MSRA: variants seen among roughly 807,000 people sequenced by gnomAD.
MSRA encodes the protein methionine sulfoxide reductase A.
MSRA carries 54 observed loss-of-function variants against 31.3 expected under a neutral mutation model. The observed-to-expected ratio is 1.73, with a 90% CI of 1.39 to 2.17. The LOEUF is 2.17. Among genes scored for constraint, MSRA ranks in the 30% most tolerant of loss-of-function variants. MSRA has a pLI of 0.00. For missense variants in MSRA, 507 were observed against 300.9 expected (o/e 1.69, Z -5.07); for synonymous variants, 169 against 116.5 (o/e 1.45, Z -2.90).
At chr8:10,063,682 G>A (rs539516834) in intron 1 of MSRA, among the ~76,000 whole-genome samples, 56 of 152,236 alleles carry the variant, frequency 3.7e-4, no homozygotes, top group South Asian at 4.1e-4. Flanking sequence ...TAGTCTTTTC[G>A]GCCATGTGAG....
chr8:10,106,916 A>G (rs1585160110), intron 1 of MSRA, among the ~76,000 whole-genome samples: 1 of 140,318 alleles, frequency 7.1e-6, no homozygotes, highest in Non-Finnish European at 1.5e-5. Context: ...CCACCTACCC[A>G]TTCACCTACC....
chr8:10,194,178 G>C (rs537197579), intron 1 of MSRA, among the ~76,000 whole-genome samples: 5 of 152,156 alleles, frequency 3.3e-5, no homozygotes, highest in African/African-American at 1.2e-4. Context: ...TAAAAAAGGG[G>C]TGAACCCACA....
At chr8:10,287,052 A>C (rs1017018986) in intron 3 of MSRA, among the ~76,000 whole-genome samples, 3 of 152,200 alleles carry the variant, frequency 2.0e-5, no homozygotes, top group African/African-American at 7.2e-5. Flanking sequence ...TTCATTGTTG[A>C]AACGTTTGGT....
intron 1 of MSRA, among the ~76,000 whole-genome samples, chr8:10,138,045 C>T (rs922591127): frequency 2.0e-5 from 3 of 152,108 alleles, no homozygotes; most frequent in African/African-American, 2.4e-5. Context: ...GTTTAGTGCT[C>T]ATTTCACTGG....
chr8:10,238,039 G>C (rs890865588), intron 2 of MSRA, among the ~76,000 whole-genome samples: 3 of 152,152 alleles, frequency 2.0e-5, no homozygotes, highest in East Asian at 1.9e-4. Context: ...AAAATCCGTA[G>C]TCCTTAACCA....
chr8:10,060,713 C>T (rs577416891), intron 1 of MSRA, among the ~76,000 whole-genome samples: 1 of 149,822 alleles, frequency 6.7e-6, no homozygotes, highest in Non-Finnish European at 1.5e-5. Context: ...TAATCAAAAT[C>T]TACATTTTGG....
intron 3 of MSRA, among the ~76,000 whole-genome samples, chr8:10,261,389 TAA>T (rs35866533): frequency 1.0e-3 from 146 of 143,076 alleles, no homozygotes; most frequent in African/African-American, 3.5e-3. Flanking sequence ...ATCTGTTACT[TAA>T]AAAAAAAAAA....
intron 5 of MSRA, among the ~76,000 whole-genome samples, chr8:10,339,382 A>C (rs928019126): frequency 1.3e-5 from 2 of 152,184 alleles, no homozygotes; most frequent in Non-Finnish European, 2.9e-5. Flanking sequence ...CTTATGATTC[A>C]GGTCCACATT....
At chr8:10,241,174 A>G (rs747377294) in intron 2 of MSRA, among the ~76,000 whole-genome samples, 2 of 152,042 alleles carry the variant, frequency 1.3e-5, no homozygotes, top group Non-Finnish European at 2.9e-5. Flanking sequence ...AGTGTGCTTC[A>G]TTATCACCCA....
chr8:10,393,212 G>A (rs1806875430), intron 5 of MSRA, among the ~76,000 whole-genome samples: 1 of 152,138 alleles, frequency 6.6e-6, no homozygotes, highest in Non-Finnish European at 1.5e-5. Flanking sequence ...TTTCTATTCA[G>A]TGTAAGAAGA....
intron 5 of MSRA, among the ~76,000 whole-genome samples, chr8:10,395,303 C>G (rs1219255527): frequency 1.3e-5 from 2 of 152,056 alleles, no homozygotes; most frequent in Non-Finnish European, 2.9e-5. Context: ...AAGGGAGAGG[C>G]AATGCCTTAT....
intron 1 of MSRA, among the ~76,000 whole-genome samples, chr8:10,187,290 A>G (rs1807139143): frequency 6.6e-6 from 1 of 151,914 alleles, no homozygotes; most frequent in African/African-American, 2.4e-5. Context: ...CTTTTTACTC[A>G]TTCTTGGATG....
chr8:10,401,481 C>T (rs373412845), intron 5 of MSRA, among the ~76,000 whole-genome samples: 16 of 152,214 alleles, frequency 1.1e-4, no homozygotes, highest in African/African-American at 3.1e-4. Context: ...GTAAATGGTA[C>T]AGCCACTGTG....
intron 1 of MSRA, among the ~76,000 whole-genome samples, chr8:10,117,191 C>T (rs1263619346): frequency 6.6e-6 from 1 of 152,126 alleles, no homozygotes; most frequent in Non-Finnish European, 1.5e-5. Context: ...TCTAAGTAGG[C>T]ATGCCTACTT....
At chr8:10,271,285 G>A (rs961525007) in intron 3 of MSRA, among the ~76,000 whole-genome samples, 3 of 152,108 alleles carry the variant, frequency 2.0e-5, no homozygotes, top group African/African-American at 4.8e-5. Context: ...CCATGGGGAA[G>A]CAAGCAGGCA....
chr8:10,063,710 C>T (rs894438980), intron 1 of MSRA, among the ~76,000 whole-genome samples: 2 of 152,226 alleles, frequency 1.3e-5, no homozygotes, highest in Non-Finnish European at 2.9e-5. Context: ...TGAGAAGGCG[C>T]TGTCCGTGAA....
intron 4 of MSRA, among the ~76,000 whole-genome samples, chr8:10,302,087 A>G (rs955198045): frequency 2.6e-5 from 4 of 152,316 alleles, no homozygotes; most frequent in Admixed American, 2.6e-4. Flanking sequence ...ATGTGGTGAT[A>G]AAGAAGAACA....
rs1406191071 is a variant in MSRA, at chr8:10,054,536, G to A, written c.20G>A (p.Arg7Lys). MLSATR[R>K]ACQLLLLHSL... ...CCTCCCATGCTCTCGGCCACCCGGA[G>A]GGCTTGCCAGCTCCTCCTCCTCCAC... is the stretch of plus-strand genomic sequence containing the variant. Residue 7 changes from arginine to lysine, a missense_variant, in exon 1 of 6, where the codon AGG becomes AAG. By Grantham distance (26) the Arg-to-Lys change is conservative. Transcript: ENST00000317173. 6.3e-7 allele frequency: 1 copy of A among 1,585,930 alleles called. No individual in the cohort carries two copies. Among genetic ancestry groups the A allele is most frequent in the South Asian group, 1.1e-5 (1 of 88,768 alleles).
intron 5 of MSRA, among the ~76,000 whole-genome samples, chr8:10,387,109 T>A (rs1806443692): frequency 6.6e-6 from 1 of 152,304 alleles, no homozygotes; most frequent in Admixed American, 6.5e-5. Flanking sequence ...TGCTGCCTGC[T>A]GCCTGCACGG....
Sources: allele counts gnomAD v4.1 joint callset (sites outside exome capture counted in the v4.1 genomes callset), GRCh38; gene constraint gnomAD v4.1.1; transcripts MANE v1.5; gene names NCBI Gene and HGNC (gene_info 2026-07-23, HGNC 2026-07-21).